Variants in FOXP1 observed in about 807,000 individuals in gnomAD.
The protein encoded by FOXP1 is forkhead box P1.
FOXP1 carries 15 observed loss-of-function variants against 98.2 expected under a neutral mutation model. The observed-to-expected ratio is 0.15, with a 90% confidence interval of 0.10 to 0.24. The LOEUF is 0.24. FOXP1 is among the 10% of genes least tolerant of loss of function. The pLI is 1.00. For synonymous variants in FOXP1, 371 were observed against 314.5 expected, an observed-to-expected ratio of 1.18 and a Z score of -1.90; for missense variants, 633 against 848.5, an observed-to-expected ratio of 0.75 and a Z score of 3.15.
intron 11 of FOXP1, among the ~76,000 whole-genome samples, chr3:71,036,699 T>G (rs1346130300): frequency 6.6e-6 from 1 of 152,160 alleles, no homozygotes; most frequent in East Asian, 1.9e-4. Context: ...TGAGGTTCAT[T>G]TATGTTCTTT....
intron 2 of FOXP1, among the ~76,000 whole-genome samples, chr3:71,565,668 T>C (rs751969363): frequency 1.2e-4 from 18 of 152,228 alleles, no homozygotes; most frequent in Non-Finnish European, 2.4e-4. Context: ...ATGGTAACTA[T>C]GCATAAAGAT....
At chr3:71,041,680 C>A in intron 10 of FOXP1, 148 bp from the exon 11 acceptor site, 1 of 731,698 alleles carries the variant, frequency 1.4e-6, no homozygotes, top group Non-Finnish European at 2.4e-6. Flanking sequence ...CCAACTACGG[C>A]AGATGCGGTA....
chr3:71,111,228 G>A (rs1302188209), intron 7 of FOXP1, among the ~76,000 whole-genome samples: 1 of 152,128 alleles, frequency 6.6e-6, no homozygotes, highest in African/African-American at 2.4e-5. Flanking sequence ...TATAGATTCT[G>A]TCCCCTCCTG....
intron 6 of FOXP1, among the ~76,000 whole-genome samples, chr3:71,135,177 T>C (rs2059759033): frequency 6.7e-6 from 1 of 148,252 alleles, no homozygotes; most frequent in Non-Finnish European, 1.5e-5. Context: ...GAGAATTGCT[T>C]GAACCCAGGA....
intron 11 of FOXP1, among the ~76,000 whole-genome samples, chr3:71,017,669 A>C (rs1020867299): frequency 6.6e-6 from 1 of 152,202 alleles, no homozygotes; most frequent in African/African-American, 2.4e-5. Flanking sequence ...TCACGTATCA[A>C]CTTAACTCTA....
chr3:71,025,351 G>GC (rs1165259544), intron 11 of FOXP1, among the ~76,000 whole-genome samples: 1 of 152,162 alleles, frequency 6.6e-6, no homozygotes, highest in Admixed American at 6.5e-5. Flanking sequence ...GCACGACTAT[G>GC]CATGTGGAGT....
At chr3:70,975,136 C>G (rs1379276800) in intron 17 of FOXP1, among the ~76,000 whole-genome samples, 1 of 152,084 alleles carries the variant, frequency 6.6e-6, no homozygotes, top group Non-Finnish European at 1.5e-5. Context: ...CTGCAGTTTG[C>G]AAAACGAAAA....
rs15063 is a variant in FOXP1, at chr3:70,959,312, G to C, written c.1969C>G (p.His657Asp). The C allele has an allele frequency of 6.2e-7, 1 of 1,613,922 alleles. No homozygotes were observed. The highest frequency in any genetic ancestry group is 2.2e-5 in the East Asian group (1 of 44,862). Residue 657 changes from histidine to aspartate, a missense_variant, in exon 21 of 21, where the codon CAC becomes GAC. By Grantham distance (81) the His-to-Asp change is moderately conservative (BLOSUM62 -1). This residue lies in a region of FOXP1 where 150 missense variants were observed against 163.7 expected (regional missense o/e 0.92). Coordinates refer to ENST00000649528, the MANE Select transcript of FOXP1 (RefSeq NM_001349338.3). ...GPLSLVTTAN[H>D]SPDFDHDRDY... Reference sequence around the variant, plus strand: ...CTGTCATGGTCAAAATCTGGACTGTGGTTGGCTGTTGTCACTAAGGACAGG... The same window carrying C: ...CTGTCATGGTCAAAATCTGGACTGTCGTTGGCTGTTGTCACTAAGGACAGG...
intron 6 of FOXP1, among the ~76,000 whole-genome samples, chr3:71,133,837 GT>G (rs914997053): frequency 7.1e-5 from 10 of 139,962 alleles, no homozygotes; most frequent in Admixed American, 3.7e-4. Flanking sequence ...TGTGTGTGAT[GT>G]TTTTTTTTCA....
intron 3 of FOXP1, among the ~76,000 whole-genome samples, chr3:71,467,348 T>C (rs1040137705): frequency 5.3e-5 from 8 of 152,122 alleles, no homozygotes; most frequent in Non-Finnish European, 1.2e-4. Context: ...CAAAGAATTG[T>C]TGGATGATTG....
intron 4 of FOXP1, among the ~76,000 whole-genome samples, chr3:71,354,776 C>T (rs992280093): frequency 1.3e-5 from 2 of 152,172 alleles, no homozygotes; most frequent in East Asian, 1.9e-4. Context: ...CTGTTCCAGA[C>T]GTTGTGCAAA....
chr3:71,279,441 G>A (rs1213963019), intron 5 of FOXP1, among the ~76,000 whole-genome samples: 1 of 152,038 alleles, frequency 6.6e-6, no homozygotes, highest in African/African-American at 2.4e-5. Context: ...GTGGTGAGTG[G>A]GGAGCAGAGT....
chr3:71,583,974 C>CGGGGGGGGGGG, upstream of FOXP1: 1 of 942,262 alleles, frequency 1.1e-6, no homozygotes, highest in Non-Finnish European at 1.3e-6. Context: ...CGCCGGGGCG[C>CGGGGGGGGGGG]TGGCGCCCAC....
intron 11 of FOXP1, among the ~76,000 whole-genome samples, chr3:71,019,989 T>A (rs2045188023): frequency 6.6e-6 from 1 of 152,202 alleles, no homozygotes; most frequent in South Asian, 2.1e-4. Context: ...TTGGCCTTTT[T>A]AAAAATGTCT....
intron 20 of FOXP1, among the ~76,000 whole-genome samples, chr3:70,964,345 A>G (rs2106967949): frequency 6.6e-6 from 1 of 152,336 alleles, no homozygotes. Flanking sequence ...GTACAGCAAA[A>G]TCAGCATCAC....
At chr3:71,395,534 C>T (rs145353463) in intron 3 of FOXP1, among the ~76,000 whole-genome samples, 2 of 151,950 alleles carry the variant, frequency 1.3e-5, no homozygotes, top group East Asian at 3.9e-4. Context: ...CTGGGTACCT[C>T]ATCTAAACTG....
intron 5 of FOXP1, among the ~76,000 whole-genome samples, chr3:71,279,143 G>T (rs1290695837): frequency 8.1e-6 from 1 of 122,870 alleles, no homozygotes; most frequent in Non-Finnish European, 1.6e-5. Flanking sequence ...TTGCACTCCA[G>T]CCTGGGTGAC....
At position 71,032,135 on chromosome 3, in the gene FOXP1, C is replaced by T. The variant is rs1319060159; in HGVS notation, c.869+9193G>A. 2.0e-5 allele frequency among the ~76,000 whole-genome samples: 3 copies of T among 152,246 alleles called. No homozygotes were observed. The East Asian group carries it at 5.8e-4, about 29-fold the overall frequency. On this transcript the variant is annotated intron_variant, in intron 11 of 20. Coordinates refer to ENST00000649528, the MANE Select transcript of FOXP1 (RefSeq NM_001349338.3). The stretch of plus-strand genomic sequence containing the variant: ...CACACTACATTGACCGCAGTACCCG[C>T]CCGGCGCAGCCCCGATGCCTTCCTG...
At chr3:71,539,138 G>T (rs2044565672) in intron 2 of FOXP1, among the ~76,000 whole-genome samples, 1 of 148,214 alleles carries the variant, frequency 6.7e-6, no homozygotes, top group Non-Finnish European at 1.5e-5. Context: ...TTGAGATGGG[G>T]TCTCGCTCTG....
Sources: allele counts gnomAD v4.1 joint callset (sites outside exome capture counted in the v4.1 genomes callset), GRCh38; gene constraint gnomAD v4.1.1; regional missense constraint gnomAD v4.1.1; transcripts MANE v1.5; gene names NCBI Gene and HGNC (gene_info 2026-07-23, HGNC 2026-07-21).